FYTTD1: variants seen among roughly 807,000 people sequenced by gnomAD.
FYTTD1 encodes the protein UAP56-interacting factor.
Under a neutral mutation model 40.9 loss-of-function variants are expected in FYTTD1, and 22 were observed. That is an observed-to-expected ratio of 0.54 (90% CI 0.38 to 0.77). The LOEUF is 0.77. Among genes scored for constraint, FYTTD1 ranks in the 30% least tolerant of loss-of-function variants. The pLI, the probability that FYTTD1 is intolerant of heterozygous loss-of-function variation, is 0.00. For missense variants in FYTTD1, 351 were observed against 392.2 expected (o/e 0.90, Z 0.89); for synonymous variants, 140 against 137.9 (o/e 1.01, Z -0.10).
chr3:197,785,571 G>A lies in FYTTD1; in HGVS notation c.*3662G>A, dbSNP rs1237315088. The stretch of plus-strand genomic sequence containing the variant: ...GCTTTGTAATTCACACAAAGTATAC[G>A]GGCCCAGCAGGCCTCATTGCTCAGC... On this transcript the variant is annotated 3_prime_UTR_variant, in exon 9 of 9. Coordinates refer to ENST00000241502, the MANE Select transcript of FYTTD1 (RefSeq NM_032288.7). The A allele has an allele frequency of 2.0e-5, 3 of 150,924 alleles. No individual in the cohort carries two copies. The highest frequency in any genetic ancestry group is 2.1e-4 in the South Asian group (1 of 4,736). The allele number at this position is 150,924 out of a possible 1,614,324, so 9.3% of individuals were successfully genotyped here. A position where few individuals can be genotyped will look rare whatever the true frequency, so the allele number is the denominator to read the frequency against.
intron 2 of FYTTD1, among the ~76,000 whole-genome samples, chr3:197,768,011 T>C (rs1729601540): frequency 6.6e-6 from 1 of 152,254 alleles, no homozygotes; most frequent in African/African-American, 2.4e-5. Context: ...TAGCCCAATA[T>C]CTTTAAAATA....
chr3:197,769,064 C>T (rs747724883), intron 3 of FYTTD1, among the ~76,000 whole-genome samples: 10 of 148,448 alleles, frequency 6.7e-5, no homozygotes, highest in Non-Finnish European at 1.5e-4. Context: ...CGTGCCTGGC[C>T]GAAAATGAAG....
intron 2 of FYTTD1, among the ~76,000 whole-genome samples, chr3:197,766,426 G>T (rs1236321446): frequency 4.0e-5 from 1 of 25,106 alleles, no homozygotes; most frequent in African/African-American, 9.6e-5. Context: ...TCGTGTTTGA[G>T]ACTGGTGTGT....
Position 197,768,447 on chromosome 3 carries a change from A to G in FYTTD1, c.244A>G (p.Lys82Glu). 6.2e-7 allele frequency: 1 copy of G among 1,606,378 alleles called. No homozygotes were observed. Among genetic ancestry groups the G allele is most frequent in the Non-Finnish European group, 8.5e-7 (1 of 1,175,114 alleles). Residue 82 changes from lysine (K) to glutamate (E), a missense_variant, in exon 3 of 9, where the codon AAG (lysine) becomes GAG (glutamate). Coordinates refer to ENST00000241502, the MANE Select transcript of FYTTD1 (RefSeq NM_032288.7). The stretch of plus-strand genomic sequence containing the variant: ...TTTTTGCCCTCCTATAGGTTTTGGT[A>G]AGACTAGTCTGAATCGTAGAGGAAG... ...WGIQQNSGFG[K>E]TSLNRRGRVM... is the part of the protein sequence containing the mutation.
At chr3:197,762,016 CA>C (rs1462641559) in intron 2 of FYTTD1, among the ~76,000 whole-genome samples, 3 of 152,138 alleles carry the variant, frequency 2.0e-5, no homozygotes, top group Non-Finnish European at 4.4e-5. Context: ...CCTTGTGTGG[CA>C]GAAAGAAGGC....
At chr3:197,780,076 C>A (rs113203733) in intron 8 of FYTTD1, among the ~76,000 whole-genome samples, 2,762 of 143,842 alleles carry the variant, frequency 0.019, 160 homozygotes, top group African/African-American at 0.069. Flanking sequence ...ACACACCACA[C>A]CTGGGGATAC....
Position 197,764,863 on chromosome 3 carries a change from G to T in FYTTD1, c.236-3576G>T, listed in dbSNP as rs577071222. On this transcript the variant is annotated intron_variant, in intron 2 of 8. Coordinates refer to ENST00000241502, the MANE Select transcript of FYTTD1 (RefSeq NM_032288.7). ...TCTATTCCATACTTTTTTTTTTTGG[G>T]GGGGGAGGATGGAGTCTTGCCCTGT... Among the ~76,000 whole-genome samples, 431 of 143,524 alleles carry T rather than the reference G, an allele frequency of 3.0e-3. 1 individual carries two copies. The highest frequency in any genetic ancestry group is 0.012 in the African/African-American group (408 of 34,496). 94.2% of individuals were successfully genotyped at this position (143,524 alleles called of 152,430 possible).
At chr3:197,754,910 C>G (rs1364246445) in intron 1 of FYTTD1, among the ~76,000 whole-genome samples, 1 of 152,184 alleles carries the variant, frequency 6.6e-6, no homozygotes, top group Admixed American at 6.5e-5. Context: ...GAAGCATTCT[C>G]CCATCTCACC....
intron 3 of FYTTD1, 24 bp downstream of exon 3, chr3:197,768,611 A>G (rs752507600): frequency 2.5e-6 from 4 of 1,588,136 alleles, no homozygotes; most frequent in African/African-American, 2.7e-5. Flanking sequence ...TTAATCCTGG[A>G]TTAGATATCC....
chr3:197,768,695 T>A, intron 3 of FYTTD1, 108 bp downstream of exon 3: 1 of 851,112 alleles, frequency 1.2e-6, no homozygotes, highest in Non-Finnish European at 1.7e-6. Context: ...TGTAGTACTT[T>A]GGGACTGATA....
chr3:197,761,292 CAGT>C (rs1178020590), intron 2 of FYTTD1, among the ~76,000 whole-genome samples: 40 of 151,526 alleles, frequency 2.6e-4, no homozygotes, highest in African/African-American at 9.4e-4. Flanking sequence ...AGTTGTTCCT[CAGT>C]GGTGGAATGT....
intron 1 of FYTTD1, among the ~76,000 whole-genome samples, chr3:197,752,930 C>T (rs920285472): frequency 6.6e-6 from 1 of 152,120 alleles, no homozygotes; most frequent in Non-Finnish European, 1.5e-5. Flanking sequence ...AGATTTCTTA[C>T]GTTTCTAGGT....
upstream of FYTTD1, chr3:197,749,786 C>A: frequency 2.0e-6 from 1 of 496,886 alleles, no homozygotes; most frequent in South Asian, 2.5e-5. Context: ...AGTCACGGCG[C>A]GGGGCCGCTC....
rs1354862484 is a variant in FYTTD1 at position 197,785,962 on chromosome 3, TC to T, written c.*4054del. On this transcript the variant is annotated 3_prime_UTR_variant, in exon 9 of 9. Transcript: ENST00000241502. ...CTTTTTTTTTTTTTTAAATGATACTTCAGTAAACACAGCATTTACAACAAGA... is the reference window on the plus strand; with the variant it reads ...CTTTTTTTTTTTTTTAAATGATACTTAGTAAACACAGCATTTACAACAAGA... The T allele has an allele frequency of 6.6e-6, 1 of 151,690 alleles. No homozygotes were observed. Among genetic ancestry groups the T allele is most frequent in the Non-Finnish European group, 1.5e-5 (1 of 67,930 alleles). The allele number at this position is 151,690 out of a possible 1,614,324, so 9.4% of individuals were successfully genotyped here.
At chr3:197,754,423 G>A (rs1229575925) in intron 1 of FYTTD1, among the ~76,000 whole-genome samples, 5 of 152,066 alleles carry the variant, frequency 3.3e-5, no homozygotes, top group African/African-American at 1.2e-4. Flanking sequence ...GAGTCTTAAA[G>A]ATTAGAGATT....
intron 2 of FYTTD1, among the ~76,000 whole-genome samples, chr3:197,766,683 T>C (rs956581280): frequency 6.6e-6 from 1 of 152,006 alleles, no homozygotes; most frequent in African/African-American, 2.4e-5. Context: ...GCTCAAGCAA[T>C]CCATCCTTCT....
rs1730124020 is a variant in FYTTD1 at position 197,785,003 on chromosome 3, C to T, written c.*3094C>T. The T allele has an allele frequency of 1.3e-5, 2 of 152,084 alleles. No homozygotes were observed. The highest frequency in any genetic ancestry group is 6.5e-5 in the Admixed American group (1 of 15,270). 9.4% of individuals were successfully genotyped at this position (152,084 alleles called of 1,614,324 possible). A position where few individuals can be genotyped will look rare whatever the true frequency, so the allele number is the denominator to read the frequency against. On this transcript the variant is annotated 3_prime_UTR_variant, in exon 9 of 9. Coordinates refer to ENST00000241502, the MANE Select transcript of FYTTD1 (RefSeq NM_032288.7). Reference sequence around the variant, plus strand: ...TAAACTGCTTTGGTGAATTAACACCCACAGAAAATAGTGGAATGGTGTGTG... The same window carrying T: ...TAAACTGCTTTGGTGAATTAACACCTACAGAAAATAGTGGAATGGTGTGTG...
chr3:197,785,331 C>A lies in FYTTD1; in HGVS notation c.*3422C>A, dbSNP rs1175923997. 1 of 152,174 alleles carries A rather than the reference C, an allele frequency of 6.6e-6. No homozygotes were observed. Among genetic ancestry groups the A allele is most frequent in the Non-Finnish European group, 1.5e-5 (1 of 68,038 alleles). 9.4% of individuals were successfully genotyped at this position (152,174 alleles called of 1,614,324 possible). A position where few individuals can be genotyped will look rare whatever the true frequency, so the allele number is the denominator to read the frequency against. On this transcript the variant is annotated 3_prime_UTR_variant, in exon 9 of 9. Transcript: ENST00000241502. ...CATCTGTGTAAACGAAAAGTTGGCC[C>A]ACTGTGTACATGGATTTTCCATTCC...
At chr3:197,751,434 C>G (rs1729038549) in intron 1 of FYTTD1, among the ~76,000 whole-genome samples, 1 of 152,134 alleles carries the variant, frequency 6.6e-6, no homozygotes, top group Admixed American at 6.5e-5. Flanking sequence ...TGGCTTGAGC[C>G]CAGGAGTTCG....
Sources: allele counts gnomAD v4.1 joint callset (sites outside exome capture counted in the v4.1 genomes callset), GRCh38; gene constraint gnomAD v4.1.1; transcripts MANE v1.5; gene names NCBI Gene and HGNC (gene_info 2026-07-23, HGNC 2026-07-21).